Variants in ZNF26 observed in about 807,000 individuals in gnomAD.
ZNF26 encodes the protein zinc finger protein 26, also known as epididymis luminal protein 179.
In ZNF26, 32 loss-of-function variants were observed where a neutral mutation model predicts 54.9. That is an observed-to-expected ratio of 0.58 (90% CI 0.44 to 0.78). The LOEUF (loss-of-function observed/expected upper bound fraction) is 0.78, where lower values mean the gene tolerates loss of function less well. Among genes scored for constraint, ZNF26 ranks in the 30% least tolerant of loss-of-function variants. The pLI is 0.00. For synonymous variants in ZNF26, 221 were observed against 209.2 expected (o/e 1.06, Z -0.49); for missense variants, 524 against 634.0 (o/e 0.83, Z 1.86).
intron 1 of ZNF26, among the ~76,000 whole-genome samples, chr12:132,991,420 C>T (rs1215032252): frequency 6.6e-6 from 1 of 151,696 alleles, no homozygotes; most frequent in Non-Finnish European, 1.5e-5. Flanking sequence ...ATCGCTTGAA[C>T]TCAGGAAGCA....
chr12:133,019,092 C>T lies in ZNF26; in HGVS notation c.*7611C>T, dbSNP rs1218714517. On this transcript the variant is annotated 3_prime_UTR_variant, in exon 4 of 4. Transcript: ENST00000328654. Reference sequence around the variant, plus strand: ...TCTCCAGTGGCTTTCTAATATCAGACACAATAGAGTTTAAAACAAAAGTTT... The same window carrying T: ...TCTCCAGTGGCTTTCTAATATCAGATACAATAGAGTTTAAAACAAAAGTTT... The T allele has an allele frequency of 6.6e-6, 1 of 152,018 alleles. No individual in the cohort carries two copies. Among genetic ancestry groups the T allele is most frequent in the Non-Finnish European group, 1.5e-5 (1 of 68,010 alleles). The allele number at this position is 152,018 out of a possible 1,614,324, so 9.4% of individuals were successfully genotyped here.
At position 133,018,956 on chromosome 12, in the gene ZNF26, A is replaced by T. The variant is rs1483027880; in HGVS notation, c.*7475A>T. The stretch of plus-strand genomic sequence containing the variant: ...AGACACAGATTGTCAAAGTGGTGAT[A>T]AAAAAAAATCCAACCATGTACAGAA... On this transcript the variant is annotated 3_prime_UTR_variant, in exon 4 of 4. Transcript: ENST00000328654. 4.0e-5 allele frequency: 6 copies of T among 151,404 alleles called. No homozygotes were observed. The highest frequency in any genetic ancestry group is 1.5e-4 in the African/African-American group (6 of 41,376). The allele number at this position is 151,404 out of a possible 1,614,324, so 9.4% of individuals were successfully genotyped here. A position where few individuals can be genotyped will look rare whatever the true frequency, so the allele number is the denominator to read the frequency against.
intron 1 of ZNF26, chr12:132,987,648 C>G: frequency 1.0e-6 from 1 of 959,176 alleles, no homozygotes; most frequent in Non-Finnish European, 1.2e-6. Flanking sequence ...GTTGAATATC[C>G]AATGCCTGTA....
chr12:132,992,321 T>C (rs1000626431), intron 1 of ZNF26, among the ~76,000 whole-genome samples: 55 of 152,290 alleles, frequency 3.6e-4, no homozygotes, highest in African/African-American at 1.3e-3. Context: ...TGATTTTTTT[T>C]TCTCTAAACA....
intron 1 of ZNF26, among the ~76,000 whole-genome samples, chr12:132,989,568 A>G (rs1389463800): frequency 2.0e-5 from 3 of 152,224 alleles, no homozygotes; most frequent in African/African-American, 7.2e-5. Context: ...TTTCATATAT[A>G]CTTTATACGT....
Position 133,022,671 on chromosome 12 carries a change from GAT to G in ZNF26, c.*11192_*11193del, listed in dbSNP as rs1348852016. 1 of 151,962 alleles carries G rather than the reference GAT, an allele frequency of 6.6e-6. No individual in the cohort carries two copies. The highest frequency in any genetic ancestry group is 6.6e-5 in the Admixed American group (1 of 15,252). The allele number at this position is 151,962 out of a possible 1,614,324, so 9.4% of individuals were successfully genotyped here. ...AATTTAATTAAAACAAAATAAATCTGATAAAGATGTAAAAGAATAAAGAGACT... is the reference window on the plus strand; with the variant it reads ...AATTTAATTAAAACAAAATAAATCTGAAAGATGTAAAAGAATAAAGAGACT... On this transcript the variant is annotated 3_prime_UTR_variant, in exon 4 of 4. Transcript: ENST00000328654.
At chr12:132,994,916 G>A (rs1462417995) in intron 1 of ZNF26, among the ~76,000 whole-genome samples, 3 of 152,088 alleles carry the variant, frequency 2.0e-5, no homozygotes, top group South Asian at 2.1e-4. Flanking sequence ...ACTTATGTAG[G>A]TGCCAGTAGC....
intron 1 of ZNF26, among the ~76,000 whole-genome samples, chr12:132,990,349 C>A (rs987746005): frequency 1.3e-5 from 2 of 152,134 alleles, no homozygotes; most frequent in Admixed American, 6.6e-5. Flanking sequence ...TCATTTGATA[C>A]GATGGAACTG....
chr12:132,991,452 C>T (rs1298993038), intron 1 of ZNF26, among the ~76,000 whole-genome samples: 1 of 151,608 alleles, frequency 6.6e-6, no homozygotes, highest in Non-Finnish European at 1.5e-5. Context: ...AAGCCAAGAT[C>T]GTGCCACTGC....
rs1311957824 is a variant in ZNF26, at chr12:133,014,534, T to TG, written c.*3053_*3054insG. The stretch of plus-strand genomic sequence containing the variant: ...ATGATGGTTTTGCTTTCTGTTTTTT[T>TG]TTTTGTTTTGTTTTGTTTTTTTTTT... On this transcript the variant is annotated 3_prime_UTR_variant, in exon 4 of 4. Transcript: ENST00000328654. 4.6e-5 allele frequency: 7 copies of TG among 151,196 alleles called. No homozygotes were observed. The highest frequency in any genetic ancestry group is 2.1e-4 in the South Asian group (1 of 4,810). 9.4% of individuals were successfully genotyped at this position (151,196 alleles called of 1,614,324 possible).
chr12:132,998,207 C>T (rs1338841553), intron 1 of ZNF26, among the ~76,000 whole-genome samples: 5 of 151,162 alleles, frequency 3.3e-5, no homozygotes, highest in East Asian at 3.9e-4. Context: ...TGCTCTGTCG[C>T]CCAGGCTGGA....
chr12:133,026,833 A>C lies in ZNF26; in HGVS notation c.*15352A>C, dbSNP rs1189949684. On this transcript the variant is annotated 3_prime_UTR_variant, in exon 4 of 4. Transcript: ENST00000328654. ...TGAGCCATTGCATCTGGCCTAGTTC[A>C]ACTTTATAAATAAATATGTCAAAGA... 6.6e-6 allele frequency: 1 copy of C among 152,208 alleles called. No individual in the cohort carries two copies. The highest frequency in any genetic ancestry group is 1.5e-5 in the Non-Finnish European group (1 of 68,036). 9.4% of individuals were successfully genotyped at this position (152,208 alleles called of 1,614,324 possible).
intron 1 of ZNF26, among the ~76,000 whole-genome samples, chr12:132,993,749 C>T (rs959334041): frequency 6.6e-6 from 1 of 152,178 alleles, no homozygotes; most frequent in Admixed American, 6.5e-5. Flanking sequence ...AGCCACGGCG[C>T]GTGGTTGCCC....
At chr12:132,992,402 C>T (rs1952983737) in intron 1 of ZNF26, among the ~76,000 whole-genome samples, 1 of 151,516 alleles carries the variant, frequency 6.6e-6, no homozygotes, top group South Asian at 2.1e-4. Context: ...TCATCTCTGG[C>T]TTATCTTTGA....
At position 133,011,280 on chromosome 12, in the gene ZNF26, A is replaced by T. The variant is rs1953467088; in HGVS notation, c.1401A>T (p.Ala467=). The T allele has an allele frequency of 1.2e-6, 2 of 1,614,006 alleles. No individual in the cohort carries two copies. Among genetic ancestry groups the T allele is most frequent in the South Asian group, 1.1e-5 (1 of 91,050 alleles). ...GTGAAAAAGCCTACCCTAGGAAGGCATCACTTCAGATACACCAGAAAACTC... is the reference window on the plus strand; with the variant it reads ...GTGAAAAAGCCTACCCTAGGAAGGCTTCACTTCAGATACACCAGAAAACTC... ...NECEKAYPRK[A]SLQIHQKTHS... The change falls in exon 4 of 4, where the codon GCA becomes GCT. Residue 467 remains alanine (A), a synonymous_variant. Transcript: ENST00000328654.
In ZNF26 at chr12:133,019,793, A is replaced by T. The variant is rs1953615236; in HGVS notation, c.*8312A>T. 6.6e-6 allele frequency: 1 copy of T among 152,264 alleles called. No individual in the cohort carries two copies. The highest frequency in any genetic ancestry group is 1.5e-5 in the Non-Finnish European group (1 of 68,092). 9.4% of individuals were successfully genotyped at this position (152,264 alleles called of 1,614,324 possible). A position where few individuals can be genotyped will look rare whatever the true frequency, so the allele number is the denominator to read the frequency against. On this transcript the variant is annotated 3_prime_UTR_variant, in exon 4 of 4. Coordinates refer to ENST00000328654, the MANE Select transcript of ZNF26 (RefSeq NM_019591.4). ...TCACGTTTCCTGCAGCACTATCCAC[A>T]AGAGCCAAAAAATGAAATCAGGCCA...
At chr12:133,008,575 G>C (rs1181532193) in intron 3 of ZNF26, among the ~76,000 whole-genome samples, 3 of 151,782 alleles carry the variant, frequency 2.0e-5, no homozygotes, top group Admixed American at 6.6e-5. Context: ...AGGAGATGGA[G>C]ACCATCCTGA....
chr12:132,994,876 G>A (rs1031526760), intron 1 of ZNF26, among the ~76,000 whole-genome samples: 7 of 152,078 alleles, frequency 4.6e-5, no homozygotes, highest in East Asian at 1.9e-4. Flanking sequence ...CCTGTGCATC[G>A]TGGGTTGCTG....
At position 133,010,379 on chromosome 12, in the gene ZNF26, C is replaced by T; in HGVS notation, c.500C>T (p.Ala167Val). 1.2e-6 allele frequency: 2 copies of T among 1,614,096 alleles called. No individual in the cohort carries two copies. The highest frequency in any genetic ancestry group is 1.1e-5 in the South Asian group (1 of 91,080). ...EEPYFLKHQR[A>V]HSIEKNCVCS... ...CCATATTTTCTTAAGCATCAAAGAGCTCATAGCATAGAAAAAAACTGTGTG... is the reference window on the plus strand; with the variant it reads ...CCATATTTTCTTAAGCATCAAAGAGTTCATAGCATAGAAAAAAACTGTGTG... The change falls in exon 4 of 4, where the codon GCT (alanine) becomes GTT (valine). Residue 167 changes from alanine (A) to valine (V), a missense_variant. Physicochemically the swap from Ala to Val is moderately conservative, Grantham distance 64. Coordinates refer to ENST00000328654, the MANE Select transcript of ZNF26 (RefSeq NM_019591.4).
Sources: gnomAD v4.1 joint callset for allele counts (sites outside exome capture counted in the v4.1 genomes callset) on GRCh38, gnomAD v4.1.1 for gene constraint, MANE v1.5 for transcripts, NCBI Gene and HGNC (gene_info 2026-07-23, HGNC 2026-07-21) for gene names.